The following NCAPD3 variants were observed in gnomAD, a reference collection of about 807,000 sequenced individuals.
The protein encoded by NCAPD3 is condensin-2 complex subunit D3.
NCAPD3 carries 105 observed loss-of-function variants against 182.9 expected under a neutral mutation model. That is an observed-to-expected ratio of 0.57 (90% confidence interval 0.49 to 0.68). The LOEUF is 0.68. NCAPD3 is among the 30% of genes least tolerant of loss of function. The pLI is 0.00. For synonymous variants in NCAPD3, 815 were observed against 679.9 expected (o/e 1.20, Z -3.09); for missense variants, 1,944 against 1,837.0 (o/e 1.06, Z -1.07).
chr11:134,206,570 G>C (rs758220020), intron 8 of NCAPD3, 29 bp downstream of exon 8: 1 of 1,612,118 alleles, frequency 6.2e-7, no homozygotes, highest in South Asian at 1.1e-5. Context: ...AGACTGACAG[G>C]GTGAAAATTC....
intron 3 of NCAPD3, 76 bp from the exon 4 acceptor site, chr11:134,210,530 T>A: frequency 7.4e-7 from 1 of 1,343,150 alleles, no homozygotes; most frequent in Non-Finnish European, 1.0e-6. Flanking sequence ...AGATGAAAAG[T>A]TACAAAGCAA....
chr11:134,194,633 T>TA (rs753066914), intron 14 of NCAPD3, 32 bp downstream of exon 14: 20,835 of 1,107,232 alleles, frequency 0.019, no homozygotes, highest in South Asian at 0.031. Flanking sequence ...TTTTAGTGCT[T>TA]AAAAAAAAAA....
Position 134,168,040 on chromosome 11 carries a change from C to A in NCAPD3, c.3529G>T (p.Ala1177Ser). The A allele has an allele frequency of 6.2e-7, 1 of 1,614,116 alleles. No homozygotes were observed. Among genetic ancestry groups the A allele is most frequent in the South Asian group, 1.1e-5 (1 of 91,082 alleles). The stretch of plus-strand genomic sequence containing the variant: ...TGAGCTTCCTGCATGACTACATTTG[C>A]CAAGGCCATGTCATCTTCTTCCATA... ...LLMEEDDMAL[A>S]NVVMQEAQKK... is the part of the protein sequence containing the mutation. Residue 1177 changes from alanine to serine, a missense_variant, in exon 27 of 35, where the codon GCA becomes TCA. By Grantham distance (99) the Ala-to-Ser change is moderately conservative (BLOSUM62 1). Transcript: ENST00000534548.
chr11:134,183,212 G>T, intron 19 of NCAPD3: 1 of 454,876 alleles, frequency 2.2e-6, no homozygotes, highest in Middle Eastern at 3.3e-4. Context: ...CAGCTCTGCC[G>T]GTAGTAAGTT....
chr11:134,223,853 A>C lies in NCAPD3; in HGVS notation c.64+10T>G, dbSNP rs773343511. ...CCTGGCCCCCGGGCCTCCCGGCTGCATCTGCTCACCGAGTCTAAGATCCAG... is the reference window on the plus strand; with the variant it reads ...CCTGGCCCCCGGGCCTCCCGGCTGCCTCTGCTCACCGAGTCTAAGATCCAG... On this transcript the variant is annotated intron_variant, in intron 1 of 34. Transcript: ENST00000534548. 5 of 1,611,450 alleles carry C rather than the reference A, an allele frequency of 3.1e-6. No homozygotes were observed. The Admixed American group carries it at 8.3e-5, about 27-fold the overall frequency.
Position 134,202,892 on chromosome 11 carries a change from T to C in NCAPD3, c.1539A>G (p.Gln513=). Residue 513 remains glutamine (Q), a synonymous_variant, in exon 13 of 35, where the codon CAA becomes CAG. Coordinates refer to ENST00000534548, the MANE Select transcript of NCAPD3 (RefSeq NM_015261.3). ...GTTCGGAACGGTTAGATGTCTGCCTTTGGTAGGAAAAAGCTTTAAAAAAAA... is the reference window on the plus strand; with the variant it reads ...GTTCGGAACGGTTAGATGTCTGCCTCTGGTAGGAAAAAGCTTTAAAAAAAA... The part of the protein sequence containing the change: ...LLRNSSAFSY[Q]RQTSNRSEPS... 6.2e-7 allele frequency: 1 copy of C among 1,600,998 alleles called. No individual in the cohort carries two copies. Among genetic ancestry groups the C allele is most frequent in the Non-Finnish European group, 8.5e-7 (1 of 1,176,734 alleles).
Position 134,152,862 on chromosome 11 carries a change from G to C in NCAPD3, c.*82C>G, listed in dbSNP as rs1943293679. 2.6e-6 allele frequency: 3 copies of C among 1,154,840 alleles called. No homozygotes were observed. The highest frequency in any genetic ancestry group is 3.0e-5 in the South Asian group (2 of 65,868). 71.5% of individuals were successfully genotyped at this position (1,154,840 alleles called of 1,614,324 possible). On this transcript the variant is annotated 3_prime_UTR_variant, in exon 35 of 35. Coordinates refer to ENST00000534548, the MANE Select transcript of NCAPD3 (RefSeq NM_015261.3). The stretch of plus-strand genomic sequence containing the variant: ...GCGCTGCCCAAGGACTGCGGGAAGT[G>C]ATCCAGCTGCCTTCACACGGAGGAC...
intron 22 of NCAPD3, chr11:134,177,660 C>T: frequency 1.7e-6 from 1 of 586,806 alleles, no homozygotes; most frequent in South Asian, 2.1e-5. Context: ...AAATAAACTC[C>T]CCAGGAGTTA....
rs1406230408 is a variant in NCAPD3 at position 134,178,898 on chromosome 11, C to T, written c.2598G>A (p.Leu866=). The T allele has an allele frequency of 6.2e-7, 1 of 1,614,030 alleles. No homozygotes were observed. The highest frequency in any genetic ancestry group is 1.3e-5 in the African/African-American group (1 of 74,930). The change falls in exon 21 of 35, where the codon CTG becomes CTA. Residue 866 remains leucine, a synonymous_variant. Transcript: ENST00000534548. Reference sequence around the variant, plus strand: ...TGCGCTTCTCCACCCTGGCTGGACACAGCTGGGCTATATCCCCTAAGGTAA... The same window carrying T: ...TGCGCTTCTCCACCCTGGCTGGACATAGCTGGGCTATATCCCCTAAGGTAA... The part of the protein sequence containing the change: ...YIFTLGDIAQ[L]CPARVEKRIF...
intron 8 of NCAPD3, among the ~76,000 whole-genome samples, chr11:134,205,382 CTTTT>C (rs571658772): frequency 7.0e-6 from 1 of 143,326 alleles, no homozygotes; most frequent in Admixed American, 7.0e-5. Flanking sequence ...TAAGAAATTT[CTTTT>C]TTTTTTTTTT....
intron 10 of NCAPD3, 48 bp from the exon 11 acceptor site, chr11:134,203,954 C>A: frequency 5.6e-6 from 9 of 1,603,942 alleles, no homozygotes; most frequent in Non-Finnish European, 7.7e-6. Context: ...GAGTAAGAAC[C>A]AAAGAACCCT....
intron 13 of NCAPD3, among the ~76,000 whole-genome samples, chr11:134,197,273 CTTTTT>C (rs35691982): frequency 2.7e-5 from 3 of 111,962 alleles, no homozygotes; most frequent in African/African-American, 1.1e-4. Flanking sequence ...AGTCTCACAT[CTTTTT>C]TTTTTTTTTT....
chr11:134,177,306 C>T lies in NCAPD3; in HGVS notation c.2934G>A (p.Lys978=), dbSNP rs1178146187. Reference sequence around the variant, plus strand: ...GACACATGGAGATGTTGGGAATATACTTGTCCACCATGATGGTGTAGCGAA... The same window carrying T: ...GACACATGGAGATGTTGGGAATATATTTGTCCACCATGATGGTGTAGCGAA... ...LCIRYTIMVD[K]YIPNISMCLK... Residue 978 remains lysine, a synonymous_variant, in exon 23 of 35, where the codon AAG becomes AAA. Transcript: ENST00000534548. 4 of 1,614,124 alleles carry T rather than the reference C, an allele frequency of 2.5e-6. No individual in the cohort carries two copies. The highest frequency in any genetic ancestry group is 3.4e-6 in the Non-Finnish European group (4 of 1,180,054).
rs1943227314 is a variant in NCAPD3, at chr11:134,151,338, C to T, written c.*1606G>A. On this transcript the variant is annotated 3_prime_UTR_variant, in exon 35 of 35. Coordinates refer to ENST00000534548, the MANE Select transcript of NCAPD3 (RefSeq NM_015261.3). Reference sequence around the variant, plus strand: ...GCTGCATGGCATCCTGGATGCTTAGCATGCAAGTTCCCTCCATCATTGCCA... The same window carrying T: ...GCTGCATGGCATCCTGGATGCTTAGTATGCAAGTTCCCTCCATCATTGCCA... 1 of 152,228 alleles carries T rather than the reference C, an allele frequency of 6.6e-6. No homozygotes were observed. Among genetic ancestry groups the T allele is most frequent in the African/African-American group, 2.4e-5 (1 of 41,448 alleles). The allele number at this position is 152,228 out of a possible 1,614,324, so 9.4% of individuals were successfully genotyped here. A position where few individuals can be genotyped will look rare whatever the true frequency, so the allele number is the denominator to read the frequency against.
chr11:134,176,401 G>A lies in NCAPD3; in HGVS notation c.3022-15C>T. 2 of 1,612,038 alleles carry A rather than the reference G, an allele frequency of 1.2e-6. No individual in the cohort carries two copies. Among genetic ancestry groups the A allele is most frequent in the Non-Finnish European group, 1.7e-6 (2 of 1,178,314 alleles). ...ACAAATTCCTCCTGTGCAGAGAGAA[G>A]CCGGCATGTTTCAGAGTGCGTCATC... On this transcript the variant is annotated splice_polypyrimidine_tract_variant and intron_variant, in intron 23 of 34. Coordinates refer to ENST00000534548, the MANE Select transcript of NCAPD3 (RefSeq NM_015261.3).
At chr11:134,185,569 T>C in intron 16 of NCAPD3, 43 bp from the exon 17 acceptor site, 2 of 1,486,504 alleles carry the variant, frequency 1.3e-6, no homozygotes, top group East Asian at 2.3e-5. Context: ...CAACTGTAAA[T>C]ATACAAAATG....
At chr11:134,189,479 A>G (rs931196860) in intron 16 of NCAPD3, among the ~76,000 whole-genome samples, 1 of 152,200 alleles carries the variant, frequency 6.6e-6, no homozygotes, top group Non-Finnish European at 1.5e-5. Flanking sequence ...GCACGTATTC[A>G]GTTCCAAAAA....
Position 134,183,064 on chromosome 11 carries a change from G to A in NCAPD3, c.2451+1573C>T, listed in dbSNP as rs771218853. 9 of 455,604 alleles carry A rather than the reference G, an allele frequency of 2.0e-5. 1 individual carries two copies. The highest frequency in any genetic ancestry group is 6.0e-5 in the African/African-American group (3 of 50,064). The allele number at this position is 455,604 out of a possible 1,614,324, so 28.2% of individuals were successfully genotyped here. A position where few individuals can be genotyped will look rare whatever the true frequency, so the allele number is the denominator to read the frequency against. On this transcript the variant is annotated intron_variant, in intron 19 of 34. Coordinates refer to ENST00000534548, the MANE Select transcript of NCAPD3 (RefSeq NM_015261.3). ...AGGCTCTCATGACAATGTAACCACC[G>A]TCCTAATGGCCCTGGGCCAGCAGCA...
Position 134,194,158 on chromosome 11 carries a change from G to A in NCAPD3, c.1690-8C>T. Reference sequence around the variant, plus strand: ...CAAAATACTCACTAATACCTAGAAGGCATAGACGCAACATGAACTGTTAAC... The same window carrying A: ...CAAAATACTCACTAATACCTAGAAGACATAGACGCAACATGAACTGTTAAC... On this transcript the variant is annotated splice_region_variant and splice_polypyrimidine_tract_variant and intron_variant, in intron 14 of 34. Coordinates refer to ENST00000534548, the MANE Select transcript of NCAPD3 (RefSeq NM_015261.3). The A allele has an allele frequency of 6.2e-7, 1 of 1,612,806 alleles. No individual in the cohort carries two copies. The highest frequency in any genetic ancestry group is 8.5e-7 in the Non-Finnish European group (1 of 1,179,348).
Sources: allele counts gnomAD v4.1 joint callset (sites outside exome capture counted in the v4.1 genomes callset), GRCh38; gene constraint gnomAD v4.1.1; transcripts MANE v1.5; gene names NCBI Gene and HGNC (gene_info 2026-07-23, HGNC 2026-07-21).